Variants in UPRT observed in about 807,000 individuals in gnomAD.
UPRT encodes uracil phosphoribosyltransferase homolog, also known as RP11-311P8.3.
In UPRT, 5 loss-of-function variants were observed where a neutral mutation model predicts 22.6. The observed-to-expected ratio is 0.22, with a 90% CI of 0.12 to 0.47. The LOEUF (loss-of-function observed/expected upper bound fraction) is 0.47. UPRT is among the 20% of genes least tolerant of loss of function. UPRT has a pLI of 0.99. For missense variants in UPRT, 181 were observed against 239.9 expected, an observed-to-expected ratio of 0.75 and a Z score of 1.62; for synonymous variants, 77 against 87.7, an observed-to-expected ratio of 0.88 and a Z score of 0.68.
intron 4 of UPRT, among the ~76,000 whole-genome samples, chrX:75,218,966 C>T (rs778196379): frequency 4.6e-4 from 51 of 110,227 alleles, no homozygotes; most frequent in Middle Eastern, 9.3e-3. Context: ...TGCAGCACAC[C>T]GGCATGACAC....
chrX:75,289,243 T>C (rs1379147867), intron 1 of UPRT, among the ~76,000 whole-genome samples: 2 of 110,332 alleles, frequency 1.8e-5, no homozygotes, highest in Non-Finnish European at 3.8e-5. Flanking sequence ...TAGGAATACA[T>C]CTAATCAAGG....
chrX:75,192,178 T>A (rs1012442379), intron 4 of UPRT, among the ~76,000 whole-genome samples: 1 of 111,896 alleles, frequency 8.9e-6, no homozygotes, highest in Admixed American at 9.5e-5. Flanking sequence ...TCTTATCAGT[T>A]TCAAAGAACT....
At chrX:75,159,321 T>A (rs992337308) in intron 1 of UPRT, among the ~76,000 whole-genome samples, 1 of 112,536 alleles carries the variant, frequency 8.9e-6, no homozygotes, top group African/African-American at 3.2e-5. Flanking sequence ...GAACAATATT[T>A]TATTGTGTAT....
chrX:75,256,641 A>C (rs1190022066), intron 4 of UPRT, among the ~76,000 whole-genome samples: 1 of 112,304 alleles, frequency 8.9e-6, no homozygotes, highest in East Asian at 2.8e-4. Context: ...CCAAGAAAAA[A>C]AAAGAGAAAA....
At chrX:75,213,750 A>G (rs1456170037) in intron 4 of UPRT, among the ~76,000 whole-genome samples, 1 of 112,073 alleles carries the variant, frequency 8.9e-6, no homozygotes, top group African/African-American at 3.2e-5. Flanking sequence ...TTACTACATA[A>G]TGATGAGGGC....
At chrX:75,168,756 C>G (rs934461823) in intron 4 of UPRT, among the ~76,000 whole-genome samples, 1 of 110,981 alleles carries the variant, frequency 9.0e-6, no homozygotes, top group East Asian at 2.8e-4. Flanking sequence ...TTTGAACTAC[C>G]GACCCCAGGT....
At chrX:75,235,766 C>A (rs977658657) in intron 4 of UPRT, among the ~76,000 whole-genome samples, 1 of 111,797 alleles carries the variant, frequency 8.9e-6, no homozygotes, top group Non-Finnish European at 1.9e-5. Flanking sequence ...CCTAAAAACT[C>A]TCAATAAATT....
chrX:75,175,225 C>T (rs1194149754), intron 4 of UPRT, among the ~76,000 whole-genome samples: 2 of 111,502 alleles, frequency 1.8e-5, no homozygotes, highest in Non-Finnish European at 3.8e-5. Flanking sequence ...TTGATTCCTT[C>T]CTCAAGTAGG....
At chrX:75,301,927 G>A (rs2082745719) in intron 6 of UPRT, among the ~76,000 whole-genome samples, 1 of 112,073 alleles carries the variant, frequency 8.9e-6, no homozygotes, top group South Asian at 3.7e-4. Flanking sequence ...ATTAATAGTG[G>A]TTATTTTAGG....
intron 4 of UPRT, among the ~76,000 whole-genome samples, chrX:75,231,377 A>T (rs182673261): frequency 2.9e-3 from 328 of 112,378 alleles, no homozygotes; most frequent in Middle Eastern, 0.018. Context: ...AAGGCTTTTG[A>T]ATTAACCCAA....
At chrX:75,249,705 C>T (rs1265925366) in intron 4 of UPRT, among the ~76,000 whole-genome samples, 4 of 111,294 alleles carry the variant, frequency 3.6e-5, no homozygotes, top group Admixed American at 1.9e-4. Context: ...CTGCACCAAG[C>T]GGACCTAATA....
At chrX:75,249,259 C>T (rs2082519073) in intron 4 of UPRT, among the ~76,000 whole-genome samples, 1 of 111,645 alleles carries the variant, frequency 9.0e-6, no homozygotes, top group Non-Finnish European at 1.9e-5. Context: ...AATGTACAGA[C>T]TGGCAAATTG....
At chrX:75,277,818 A>G (rs1602488254) in intron 1 of UPRT, among the ~76,000 whole-genome samples, 1 of 111,775 alleles carries the variant, frequency 8.9e-6, no homozygotes. Flanking sequence ...ATTTTTAGTA[A>G]TGTATTGCTG....
Position 75,290,549 on chromosome X carries a change from T to G in UPRT, c.387-2923T>G, listed in dbSNP as rs190843745. Among the ~76,000 whole-genome samples the G allele has an allele frequency of 7.1e-5, 8 of 111,936 alleles. No homozygotes were observed. In the East Asian group the frequency reaches 2.0e-3, roughly 27 times the overall value. On this transcript the variant is annotated intron_variant, in intron 1 of 6. Coordinates refer to ENST00000373383, the MANE Select transcript of UPRT (RefSeq NM_145052.4). ...AGCAACGACATGGAATCCATGTAGG[T>G]GCCCATCAACAGTGGATTGGATAAA... is the stretch of plus-strand genomic sequence containing the variant.
At chrX:75,299,054 A>T (rs1420109532) in intron 4 of UPRT, among the ~76,000 whole-genome samples, 2 of 113,153 alleles carry the variant, frequency 1.8e-5, no homozygotes, top group South Asian at 3.6e-4. Flanking sequence ...TAGAATTCTG[A>T]TATGGCCTAA....
At chrX:75,279,318 G>A (rs1404148051) in intron 1 of UPRT, among the ~76,000 whole-genome samples, 8 of 111,364 alleles carry the variant, frequency 7.2e-5, no homozygotes, top group African/African-American at 1.6e-4. Flanking sequence ...AAACTGTGAC[G>A]TGCAAATTGT....
chrX:75,167,723 A>AT (rs1349219091), intron 3 of UPRT, among the ~76,000 whole-genome samples: 1 of 105,505 alleles, frequency 9.5e-6, no homozygotes, highest in African/African-American at 3.5e-5. Context: ...CTTTTCACAC[A>AT]TTTTAACAGG....
intron 4 of UPRT, among the ~76,000 whole-genome samples, chrX:75,249,444 A>T (rs765366620): frequency 1.1e-4 from 12 of 111,979 alleles, no homozygotes; most frequent in Non-Finnish European, 1.9e-4. Context: ...AAACCAACAA[A>T]GATCAAAAGA....
intron 4 of UPRT, among the ~76,000 whole-genome samples, chrX:75,246,849 A>G (rs962514651): frequency 6.3e-5 from 7 of 111,496 alleles, no homozygotes; most frequent in African/African-American, 2.3e-4. Flanking sequence ...TTCTCTGATG[A>G]TCAGTGATGA....
Sources: gnomAD v4.1 joint callset for allele counts (sites outside exome capture counted in the v4.1 genomes callset) on GRCh38, gnomAD v4.1.1 for gene constraint, MANE v1.5 for transcripts, NCBI Gene and HGNC (gene_info 2026-07-23, HGNC 2026-07-21) for gene names.